Variants in VPS13B observed in about 807,000 individuals in gnomAD.
VPS13B encodes intermembrane lipid transfer protein VPS13B.
Under a neutral mutation model 426.4 loss-of-function variants are expected in VPS13B, and 285 were observed. The observed-to-expected ratio is 0.67, with a 90% CI of 0.61 to 0.74. The LOEUF (loss-of-function observed/expected upper bound fraction) is 0.74. VPS13B is among the 30% of genes least tolerant of loss of function. The pLI, the probability that VPS13B is intolerant of heterozygous loss-of-function variation, is 0.00. For missense variants in VPS13B, 4,537 were observed against 4,782.6 expected (o/e 0.95, Z 1.51); for synonymous variants, 1,676 against 1,676.4 (o/e 1.00, Z 0.01).
At chr8:99,461,559 T>G (rs1818834809) in intron 23 of VPS13B, among the ~76,000 whole-genome samples, 1 of 152,168 alleles carries the variant, frequency 6.6e-6, no homozygotes, top group African/African-American at 2.4e-5. Context: ...ACCGATTTCT[T>G]TAAGGTTATC....
At chr8:99,652,571 T>C (rs1484628625) in intron 34 of VPS13B, among the ~76,000 whole-genome samples, 1 of 152,020 alleles carries the variant, frequency 6.6e-6, no homozygotes, top group Non-Finnish European at 1.5e-5. Context: ...TATCCTTTCA[T>C]GAATAGGACT....
chr8:99,860,334 G>C (rs6468699), intron 57 of VPS13B, among the ~76,000 whole-genome samples: 4,896 of 152,180 alleles, frequency 0.032, 237 homozygotes, highest in African/African-American at 0.11. Context: ...CACGGACAAT[G>C]AAAAGGACAC....
At chr8:99,160,111 G>A (rs1811565453) in intron 15 of VPS13B, among the ~76,000 whole-genome samples, 1 of 152,088 alleles carries the variant, frequency 6.6e-6, no homozygotes, top group African/African-American at 2.4e-5. Context: ...TTGTGGTGAT[G>A]TGGAACTTGC....
Position 99,224,728 on chromosome 8 carries a change from A to T in VPS13B, c.2515+31671A>T, listed in dbSNP as rs138389778. Among the ~76,000 whole-genome samples, 20 of 152,316 alleles carry T rather than the reference A, an allele frequency of 1.3e-4. No homozygotes were observed. In the East Asian group the frequency reaches 3.9e-3, roughly 29 times the overall value. On this transcript the variant is annotated intron_variant, in intron 17 of 61. Transcript: ENST00000357162. Reference sequence around the variant, plus strand: ...CCTTCCAACTCATGTCTTCGTATATACATTTTTACATGTTTTTTATTTATT... The same window carrying T: ...CCTTCCAACTCATGTCTTCGTATATTCATTTTTACATGTTTTTTATTTATT...
chr8:99,441,290 C>T (rs1817664990), intron 22 of VPS13B, among the ~76,000 whole-genome samples: 1 of 151,976 alleles, frequency 6.6e-6, no homozygotes, highest in African/African-American at 2.4e-5. Flanking sequence ...CAAGGAATTC[C>T]AAACCTGTTA....
intron 4 of VPS13B, among the ~76,000 whole-genome samples, chr8:99,102,342 T>C (rs542025018): frequency 6.6e-6 from 1 of 152,288 alleles, no homozygotes; most frequent in South Asian, 2.1e-4. Context: ...TCTTTAACTC[T>C]TCCTGTCTAC....
At chr8:99,068,854 T>C (rs1488129714) in intron 3 of VPS13B, among the ~76,000 whole-genome samples, 2 of 152,116 alleles carry the variant, frequency 1.3e-5, no homozygotes, top group East Asian at 3.9e-4. Flanking sequence ...GAACTACAAT[T>C]CTAGATGAAA....
chr8:99,775,958 T>C (rs1462707059), intron 40 of VPS13B, among the ~76,000 whole-genome samples: 1 of 152,086 alleles, frequency 6.6e-6, no homozygotes, highest in Non-Finnish European at 1.5e-5. Flanking sequence ...GATGGGCAAG[T>C]GAAGAGAGGA....
Position 99,861,844 on chromosome 8 carries a change from G to A in VPS13B, c.11113G>A (p.Glu3705Lys), listed in dbSNP as rs780240040. The A allele has an allele frequency of 2.5e-6, 4 of 1,600,988 alleles. No homozygotes were observed. Among genetic ancestry groups the A allele is most frequent in the East Asian group, 2.3e-5 (1 of 44,428 alleles). ...GAACATGGACCGGCTCTCACTGGAT[G>A]AGGAGCACTACAACCGGCAGGAGGA... ...ARNMDRLSLDEEHYNRQEEWR... is the reference protein window; with the variant it reads ...ARNMDRLSLDKEHYNRQEEWR... Residue 3705 changes from glutamate (E) to lysine (K), a missense_variant, in exon 58 of 62, where the codon GAG (glutamate) becomes AAG (lysine). Glu to Lys is a moderately conservative substitution (Grantham distance 56, BLOSUM62 1). Around this residue, in one of 2 missense-constraint regions of VPS13B, gnomAD observed 4,311 missense variants for 4,474.3 expected, o/e 0.96. Transcript: ENST00000357162.
At chr8:99,023,521 C>T (rs1842000247) in intron 2 of VPS13B, among the ~76,000 whole-genome samples, 1 of 150,428 alleles carries the variant, frequency 6.6e-6, no homozygotes, top group African/African-American at 2.4e-5. Context: ...TTCTCTGTTG[C>T]TCAGGCTGGA....
At chr8:99,308,816 A>G (rs1241128891) in intron 19 of VPS13B, among the ~76,000 whole-genome samples, 1 of 152,084 alleles carries the variant, frequency 6.6e-6, no homozygotes, top group Non-Finnish European at 1.5e-5. Context: ...AAGTGTTCCT[A>G]TTTCTCCACA....
At chr8:99,863,414 T>C (rs371423159) in intron 58 of VPS13B, among the ~76,000 whole-genome samples, 21 of 152,254 alleles carry the variant, frequency 1.4e-4, no homozygotes, top group Middle Eastern at 3.4e-3. Flanking sequence ...GACCTGTTGA[T>C]GCTATTAATT....
At chr8:99,355,644 A>AT (rs1288391387) in intron 19 of VPS13B, among the ~76,000 whole-genome samples, 2 of 152,078 alleles carry the variant, frequency 1.3e-5, no homozygotes, top group Non-Finnish European at 2.9e-5. Context: ...AAATGAATGT[A>AT]TGACTCTGCC....
At position 99,817,623 on chromosome 8, in the gene VPS13B, A is replaced by G; in HGVS notation, c.8181A>G (p.Gln2727=). 2 of 1,614,086 alleles carry G rather than the reference A, an allele frequency of 1.2e-6. No individual in the cohort carries two copies. Among genetic ancestry groups the G allele is most frequent in the Non-Finnish European group, 1.7e-6 (2 of 1,179,982 alleles). Residue 2727 remains glutamine (Q), a synonymous_variant, in exon 45 of 62, where the codon CAA becomes CAG. Coordinates refer to ENST00000357162, the MANE Select transcript of VPS13B (RefSeq NM_152564.5). The part of the protein sequence containing the change: ...ELKVVQHYIG[Q]DGQAVVREHF... ...AAGTCGTTCAGCATTACATTGGTCA[A>G]GATGGACAAGCTGTAGTTCGGGAAC...
At chr8:99,355,420 G>A (rs866160632) in intron 19 of VPS13B, among the ~76,000 whole-genome samples, 1 of 152,164 alleles carries the variant, frequency 6.6e-6, no homozygotes, top group Middle Eastern at 3.4e-3. Flanking sequence ...GTGAAACCCC[G>A]TCTCTACTGA....
chr8:99,360,120 A>ATCTTTCTTTCTT (rs772269369), intron 19 of VPS13B, among the ~76,000 whole-genome samples: 15 of 62,364 alleles, frequency 2.4e-4, no homozygotes, highest in East Asian at 1.0e-3. Context: ...TTTTTTCCTT[A>ATCTTTCTTTCTT]TCTTTCTTTC....
chr8:99,154,914 A>G (rs1811277902), intron 14 of VPS13B, among the ~76,000 whole-genome samples: 1 of 152,104 alleles, frequency 6.6e-6, no homozygotes, highest in South Asian at 2.1e-4. Context: ...GAGGTATACT[A>G]AAAATAGAAG....
chr8:99,817,517 T>G (rs1266174442), intron 44 of VPS13B, 23 bp from the exon 45 acceptor site: 2 of 1,613,344 alleles, frequency 1.2e-6, no homozygotes, highest in East Asian at 4.5e-5. Context: ...TGATGAAGCC[T>G]TATATACTTA....
rs1220343937 is a variant in VPS13B at position 99,875,440 on chromosome 8, T to C, written c.11768T>C (p.Leu3923Pro). The change falls in exon 62 of 62, where the codon CTG (leucine) becomes CCG (proline). Residue 3923 changes from leucine to proline, a missense_variant. This residue lies in a region of VPS13B where 4,311 missense variants were observed against 4,474.3 expected (regional missense o/e 0.96). Transcript: ENST00000357162. ...DVEVDGVRER[L>P]SEQQYNRLVD... ...TAGGTAGATGGAGTCCGAGAGAGAC[T>C]GTCAGAGCAACAGTACAACAGACTG... is the stretch of plus-strand genomic sequence containing the variant. The C allele has an allele frequency of 6.2e-7, 1 of 1,614,108 alleles. No homozygotes were observed. Among genetic ancestry groups the C allele is most frequent in the African/African-American group, 1.3e-5 (1 of 74,934 alleles).
Sources: allele counts gnomAD v4.1 joint callset (sites outside exome capture counted in the v4.1 genomes callset), GRCh38; gene constraint gnomAD v4.1.1; regional missense constraint gnomAD v4.1.1; transcripts MANE v1.5; gene names NCBI Gene and HGNC (gene_info 2026-07-23, HGNC 2026-07-21).